The following STK32C variants were observed in gnomAD, a reference collection of about 807,000 sequenced individuals.
The protein encoded by STK32C is serine/threonine kinase 32C.
STK32C carries 31 observed loss-of-function variants against 56.5 expected under a neutral mutation model. The ratio of observed to expected loss-of-function variants is 0.55; its 90% CI spans 0.41 to 0.74. STK32C has a LOEUF of 0.74. Ranked by LOEUF, STK32C falls within the 30% of genes least tolerant of loss-of-function variation. The pLI is 0.00. For missense variants in STK32C, 544 were observed against 676.9 expected (o/e 0.80, Z 2.18); for synonymous variants, 309 against 289.4 (o/e 1.07, Z -0.69).
intron 2 of STK32C, among the ~76,000 whole-genome samples, chr10:132,232,249 T>C (rs376525813): frequency 4.4e-4 from 67 of 152,340 alleles, no homozygotes; most frequent in African/African-American, 1.3e-3. Flanking sequence ...AGGCCTGGAC[T>C]GTCAGGCACG....
chr10:132,248,705 G>A (rs1032168015), intron 1 of STK32C, among the ~76,000 whole-genome samples: 7 of 152,222 alleles, frequency 4.6e-5, no homozygotes, highest in Non-Finnish European at 1.0e-4. Context: ...CCCTGACCCT[G>A]GCACTTGGCA....
At chr10:132,322,212 C>G (rs2066423751), downstream of STK32C, among the ~76,000 whole-genome samples, 1 of 152,202 alleles carries the variant, frequency 6.6e-6, no homozygotes, top group South Asian at 2.1e-4. Flanking sequence ...TTCTCCTCTA[C>G]TGTGAGCTAT....
chr10:132,248,741 C>A (rs1335672602), intron 1 of STK32C, among the ~76,000 whole-genome samples: 1 of 152,194 alleles, frequency 6.6e-6, no homozygotes, highest in African/African-American at 2.4e-5. Context: ...TCCAGTCCTG[C>A]ACTGCCCTGG....
At chr10:132,267,700 C>T (rs2064609778) in intron 1 of STK32C, among the ~76,000 whole-genome samples, 1 of 123,768 alleles carries the variant, frequency 8.1e-6, no homozygotes, top group Non-Finnish European at 1.7e-5. Flanking sequence ...CATGCAGGTT[C>T]AGCTCTATGT....
chr10:132,267,670 G>A (rs57349179), intron 1 of STK32C, among the ~76,000 whole-genome samples: 2,958 of 117,302 alleles, frequency 0.025, 193 homozygotes, highest in African/African-American at 0.097. Flanking sequence ...TGTGTGTGTC[G>A]GTGTGTGTGC....
intron 8 of STK32C, 67 bp from the exon 9 acceptor site, chr10:132,223,053 C>G (rs963827795): frequency 6.6e-7 from 1 of 1,512,670 alleles, no homozygotes; most frequent in African/African-American, 1.4e-5. Flanking sequence ...GCCCGCCACC[C>G]CCAGGCCAGG....
intron 10 of STK32C, chr10:132,209,440 A>AT: frequency 2.0e-6 from 1 of 504,330 alleles, no homozygotes; most frequent in South Asian, 1.7e-5. Context: ...TTCCCGTCTC[A>AT]TACCGGGTTC....
chr10:132,331,457 C>G (rs1345897149), exon 1 of STK32C: 1 of 1,611,942 alleles, frequency 6.2e-7, no homozygotes, highest in Admixed American at 1.7e-5. Context: ...GCCCCCCTCA[C>G]TCCTCCGTCC....
In STK32C at chr10:132,251,442, A is replaced by C. The variant is rs184018240; in HGVS notation, c.263-5487T>G. 1.1e-3 allele frequency among the ~76,000 whole-genome samples: 166 copies of C among 152,202 alleles called. 1 individual carries two copies. Among genetic ancestry groups the C allele is most frequent in the African/African-American group, 3.9e-3 (160 of 41,538 alleles). On this transcript the variant is annotated intron_variant, in intron 1 of 11. Coordinates refer to ENST00000298630, the MANE Select transcript of STK32C (RefSeq NM_173575.4). Reference sequence around the variant, plus strand: ...ATCTGGGCCTCAGAGGGGAGTGGGCATGGTCCCTTCCTTATACACAGAGCC... The same window carrying C: ...ATCTGGGCCTCAGAGGGGAGTGGGCCTGGTCCCTTCCTTATACACAGAGCC...
At chr10:132,331,874 CAGGCGCA>C, upstream of STK32C, 1 of 1,239,160 alleles carries the variant, frequency 8.1e-7, no homozygotes, top group Non-Finnish European at 1.1e-6. Flanking sequence ...CGTGCGTGCG[CAGGCGCA>C]CCACCCCCTG....
intron 1 of STK32C, among the ~76,000 whole-genome samples, chr10:132,289,210 T>C (rs2065497399): frequency 6.6e-6 from 1 of 152,206 alleles, no homozygotes; most frequent in African/African-American, 2.4e-5. Flanking sequence ...AGTAAATGGA[T>C]ATCCACATGG....
At position 132,304,628 on chromosome 10, in the gene STK32C, G is replaced by A. The variant is rs146798759; in HGVS notation, c.262+2944C>T. 8.5e-5 allele frequency among the ~76,000 whole-genome samples: 13 copies of A among 152,360 alleles called. No individual in the cohort carries two copies. In the East Asian group the frequency reaches 2.1e-3, roughly 25 times the overall value. ...CAGAAAAAGGCTGGGAGGTGACACC[G>A]TGATCCCAATGCTGAAGTTACAGAT... On this transcript the variant is annotated intron_variant, in intron 1 of 11. Coordinates refer to ENST00000298630, the MANE Select transcript of STK32C (RefSeq NM_173575.4).
chr10:132,253,583 TGGAGGGAGC>T (rs2063998560), intron 1 of STK32C, among the ~76,000 whole-genome samples: 1 of 124,608 alleles, frequency 8.0e-6, no homozygotes, highest in African/African-American at 3.2e-5. Context: ...TGGAGGGAGC[TGGAGGGAGC>T]CGAGGGAGCT....
At chr10:132,256,883 G>C (rs1272102953) in intron 1 of STK32C, among the ~76,000 whole-genome samples, 1 of 152,194 alleles carries the variant, frequency 6.6e-6, no homozygotes, top group Non-Finnish European at 1.5e-5. Context: ...GTGGGGCTTG[G>C]GGTTCCTCCT....
chr10:132,257,323 C>T (rs1357507260), intron 1 of STK32C, among the ~76,000 whole-genome samples: 2 of 152,090 alleles, frequency 1.3e-5, no homozygotes, highest in East Asian at 1.9e-4. Flanking sequence ...CCTGCACAGC[C>T]CTCCCACACC....
At chr10:132,226,633 C>A (rs957675821) in intron 4 of STK32C, among the ~76,000 whole-genome samples, 162 bp downstream of exon 4, 5 of 152,204 alleles carry the variant, frequency 3.3e-5, no homozygotes, top group African/African-American at 9.7e-5. Context: ...CTGACCTGGT[C>A]GGCACAGGTG....
intron 1 of STK32C, among the ~76,000 whole-genome samples, chr10:132,301,583 C>T (rs867215895): frequency 8.5e-5 from 13 of 152,342 alleles, no homozygotes; most frequent in South Asian, 6.2e-4. Flanking sequence ...TCCCCAGGAA[C>T]CCGCCAGTGG....
At chr10:132,281,960 TGTCCGCTGCCACTCTCAGAGCAGC>T (rs2065224745) in intron 1 of STK32C, among the ~76,000 whole-genome samples, 3 of 152,228 alleles carry the variant, frequency 2.0e-5, no homozygotes, top group African/African-American at 7.2e-5. Flanking sequence ...CTCCCCATGC[TGTCCGCTGCCACTCTCAGAGCAGC>T]GTCCCTGCTG....
chr10:132,322,240 C>T (rs138738234), downstream of STK32C, among the ~76,000 whole-genome samples: 2 of 152,228 alleles, frequency 1.3e-5, no homozygotes, highest in African/African-American at 4.8e-5. Context: ...TATCTTTTTA[C>T]CTATTACTAT....
Sources: gnomAD v4.1 joint callset for allele counts (sites outside exome capture counted in the v4.1 genomes callset) on GRCh38, gnomAD v4.1.1 for gene constraint, MANE v1.5 for transcripts, NCBI Gene and HGNC (gene_info 2026-07-23, HGNC 2026-07-21) for gene names.